SUPT3H: variants seen among roughly 807,000 people sequenced by gnomAD.
SUPT3H encodes the protein transcription initiation protein SPT3 homolog.
Under a neutral mutation model 44.3 loss-of-function variants are expected in SUPT3H, and 44 were observed. The ratio of observed to expected loss-of-function variants is 0.99; its 90% confidence interval spans 0.78 to 1.28. The LOEUF (loss-of-function observed/expected upper bound fraction) is 1.28, where lower values mean the gene tolerates loss of function less well. Ranked by LOEUF, SUPT3H falls within the 50% of genes most tolerant of loss-of-function variation. SUPT3H has a pLI of 0.00. For missense variants in SUPT3H, 380 were observed against 387.1 expected (o/e 0.98, Z 0.15); for synonymous variants, 124 against 125.6 (o/e 0.99, Z 0.09).
chr6:45,164,965 T>A (rs1318108827), intron 2 of SUPT3H, among the ~76,000 whole-genome samples: 1 of 151,980 alleles, frequency 6.6e-6, no homozygotes, highest in East Asian at 1.9e-4. Context: ...CAAGGCAAAG[T>A]TTGATTGCAT....
At chr6:45,076,101 T>C (rs1205789277) in intron 3 of SUPT3H, among the ~76,000 whole-genome samples, 1 of 152,140 alleles carries the variant, frequency 6.6e-6, no homozygotes, top group Non-Finnish European at 1.5e-5. Flanking sequence ...ATCCCAAATA[T>C]ATTAATAGTG....
At chr6:45,160,950 G>C (rs148685978) in intron 2 of SUPT3H, among the ~76,000 whole-genome samples, 1 of 152,040 alleles carries the variant, frequency 6.6e-6, no homozygotes, top group East Asian at 1.9e-4. Context: ...CTAGTGGGAG[G>C]TGTTTGGGTC....
At chr6:45,180,868 G>C (rs1338907749) in intron 2 of SUPT3H, among the ~76,000 whole-genome samples, 1 of 151,142 alleles carries the variant, frequency 6.6e-6, no homozygotes, top group Non-Finnish European at 1.5e-5. Flanking sequence ...ATTGACAAAT[G>C]GGATCTAATT....
chr6:45,185,327 T>C (rs545543068), intron 2 of SUPT3H, among the ~76,000 whole-genome samples: 3 of 152,168 alleles, frequency 2.0e-5, no homozygotes, highest in African/African-American at 7.2e-5. Context: ...TGGGGGCTAA[T>C]TGGTATTCTA....
At position 45,037,498 on chromosome 6, in the gene SUPT3H, A is replaced by G. The variant is rs892293544; in HGVS notation, c.187-16866T>C. Among the ~76,000 whole-genome samples the G allele has an allele frequency of 1.7e-4, 25 of 150,754 alleles. 1 individual carries two copies. The highest frequency in any genetic ancestry group is 1.5e-3 in the Admixed American group (23 of 15,104). ...CCTGTCTCTACTAAAAATACAAAAA[A>G]AAAAAGAAAAAAAAAGTTAGCCAGG... is the stretch of plus-strand genomic sequence containing the variant. On this transcript the variant is annotated intron_variant, in intron 3 of 10. Transcript: ENST00000371459.
intron 9 of SUPT3H, among the ~76,000 whole-genome samples, chr6:44,939,400 C>T (rs968139647): frequency 3.3e-5 from 5 of 151,768 alleles, no homozygotes; most frequent in Non-Finnish European, 7.4e-5. Flanking sequence ...TCCTTGTATC[C>T]CTGGTATAAA....
Position 45,089,387 on chromosome 6 carries a change from C to T in SUPT3H, c.186+16535G>A, listed in dbSNP as rs114771021. Among the ~76,000 whole-genome samples the T allele has an allele frequency of 2.6e-3, 389 of 152,078 alleles. 3 individuals carry two copies. Among genetic ancestry groups the T allele is most frequent in the African/African-American group, 8.5e-3 (354 of 41,540 alleles). On this transcript the variant is annotated intron_variant, in intron 3 of 10. Coordinates refer to ENST00000371459, the MANE Select transcript of SUPT3H (RefSeq NM_003599.4). ...GATTCCTGGGTATCCTCTTGAGTGG[C>T]GTCACCCATTTCACTTGTAACCAGG...
intron 5 of SUPT3H, among the ~76,000 whole-genome samples, chr6:45,010,422 G>C (rs1783315156): frequency 6.6e-6 from 1 of 152,066 alleles, no homozygotes; most frequent in Non-Finnish European, 1.5e-5. Flanking sequence ...GATCTTATAA[G>C]GGAAAGCATA....
Position 45,375,780 on chromosome 6 carries a change from GTTCT to G in SUPT3H, c.-1+1984_-1+1987del, listed in dbSNP as rs201573859. Among the ~76,000 whole-genome samples, 1,090 of 150,532 alleles carry G rather than the reference GTTCT, an allele frequency of 7.2e-3. 17 individuals carry two copies. Among genetic ancestry groups the G allele is most frequent in the African/African-American group, 0.025 (1,039 of 40,998 alleles). On this transcript the variant is annotated intron_variant, in intron 1 of 10. Coordinates refer to ENST00000371459, the MANE Select transcript of SUPT3H (RefSeq NM_003599.4). ...CGCTACCTATAAAGGTTTTTTATTT[GTTCT>G]TTTAGTTTTATTTTCAAATTTGACT...
At chr6:44,979,972 G>C (rs1054245473) in intron 6 of SUPT3H, among the ~76,000 whole-genome samples, 2 of 152,046 alleles carry the variant, frequency 1.3e-5, no homozygotes, top group African/African-American at 2.4e-5. Flanking sequence ...GCTCATTCAC[G>C]TTTTATTAGT....
chr6:44,877,249 C>T (rs1582148603), intron 10 of SUPT3H, among the ~76,000 whole-genome samples: 2 of 152,074 alleles, frequency 1.3e-5, no homozygotes, highest in African/African-American at 4.8e-5. Context: ...GGCAGATCAC[C>T]TGAGGTCAGG....
chr6:45,290,822 G>A (rs575003161), intron 2 of SUPT3H, among the ~76,000 whole-genome samples: 3 of 152,174 alleles, frequency 2.0e-5, no homozygotes, highest in Middle Eastern at 3.4e-3. Flanking sequence ...TAAGCCTATG[G>A]AGCCAGAGGC....
intron 10 of SUPT3H, among the ~76,000 whole-genome samples, chr6:44,884,830 G>A (rs1461202825): frequency 3.3e-5 from 5 of 152,210 alleles, no homozygotes; most frequent in African/African-American, 1.2e-4. Context: ...CACTTGGGAA[G>A]TGCAAGGGGT....
At chr6:45,217,341 G>A (rs889797170) in intron 2 of SUPT3H, among the ~76,000 whole-genome samples, 8 of 151,802 alleles carry the variant, frequency 5.3e-5, no homozygotes, top group East Asian at 1.9e-4. Context: ...CAGGTGTAGC[G>A]GTGCGCGTCT....
intron 1 of SUPT3H, among the ~76,000 whole-genome samples, chr6:45,376,989 C>CAGT (rs1796880570): frequency 6.6e-6 from 1 of 151,870 alleles, no homozygotes; most frequent in Non-Finnish European, 1.5e-5. Flanking sequence ...TCCACGTGTA[C>CAGT]AGTAATACTA....
chr6:44,884,397 C>A (rs762725731), intron 10 of SUPT3H, among the ~76,000 whole-genome samples: 3 of 152,176 alleles, frequency 2.0e-5, no homozygotes, highest in Non-Finnish European at 2.9e-5. Flanking sequence ...CGCTTTTACA[C>A]CGTTGGTGGG....
In SUPT3H at chr6:44,827,566, T is replaced by TAAC. The variant is rs566864838; in HGVS notation, c.*2247_*2249dup. ...TGATCTCTAAGACTATCTTCTGCTC[T>TAAC]AACATTATGATTATTGAGAAAATAA... On this transcript the variant is annotated 3_prime_UTR_variant, in exon 11 of 11. Transcript: ENST00000371459. Among the ~76,000 whole-genome samples the TAAC allele has an allele frequency of 6.8e-3, 1,041 of 152,248 alleles. 4 individuals carry two copies. The highest frequency in any genetic ancestry group is 0.024 in the Middle Eastern group (7 of 294).
intron 2 of SUPT3H, among the ~76,000 whole-genome samples, chr6:45,321,563 T>C (rs565521783): frequency 2.0e-5 from 3 of 152,164 alleles, no homozygotes; most frequent in African/African-American, 7.2e-5. Context: ...ACATATTCCA[T>C]AGTATCGTCG....
chr6:44,908,184 C>T (rs1463839732), intron 10 of SUPT3H, among the ~76,000 whole-genome samples: 1 of 146,696 alleles, frequency 6.8e-6, no homozygotes, highest in Non-Finnish European at 1.5e-5. Flanking sequence ...TGGAGTCTCG[C>T]TCTGTCACTC....
Sources: gnomAD v4.1 joint callset for allele counts (sites outside exome capture counted in the v4.1 genomes callset) on GRCh38, gnomAD v4.1.1 for gene constraint, MANE v1.5 for transcripts, NCBI Gene and HGNC (gene_info 2026-07-23, HGNC 2026-07-21) for gene names.